CLOCK: variants seen among roughly 807,000 people sequenced by gnomAD.
The protein encoded by CLOCK is circadian locomoter output cycles protein kaput.
In CLOCK, 43 loss-of-function variants were observed where a neutral mutation model predicts 118.4. That is an observed-to-expected ratio of 0.36 (90% confidence interval 0.28 to 0.47). The LOEUF is 0.47. CLOCK is among the 20% of genes least tolerant of loss of function. CLOCK has a pLI of 1.00. For missense variants in CLOCK, 846 were observed against 999.9 expected (o/e 0.85, Z 2.08); for synonymous variants, 326 against 339.2 (o/e 0.96, Z 0.43).
At chr4:55,478,677 A>G (rs1460807670) in intron 6 of CLOCK, 138 bp downstream of exon 6, 5 of 806,222 alleles carry the variant, frequency 6.2e-6, no homozygotes, top group East Asian at 2.5e-5. Flanking sequence ...AAGAATGAAC[A>G]TATTAGGAAA....
rs186425944 is a variant in CLOCK, at chr4:55,516,547, T to C, written c.-289-6482A>G. On this transcript the variant is annotated intron_variant, in intron 1 of 22. Transcript: ENST00000513440. ...CTTTCTTTCGGTTAGTGTTAGCATA[T>C]TGTATTTTTCTCCATCCATTTTCTT... Among the ~76,000 whole-genome samples the C allele has an allele frequency of 2.5e-4, 38 of 152,328 alleles. 1 individual carries two copies. The highest frequency in any genetic ancestry group is 1.2e-3 in the Admixed American group (19 of 15,310).
At chr4:55,544,387 T>A (rs1335483120) in intron 1 of CLOCK, among the ~76,000 whole-genome samples, 1 of 151,948 alleles carries the variant, frequency 6.6e-6, no homozygotes. Context: ...CTATGACTCC[T>A]GAAAAAAAGA....
intron 1 of CLOCK, among the ~76,000 whole-genome samples, chr4:55,544,467 T>C (rs1281884577): frequency 1.3e-5 from 2 of 152,200 alleles, no homozygotes; most frequent in African/African-American, 2.4e-5. Flanking sequence ...TAAACAGTCA[T>C]ATATTTTAGC....
intron 1 of CLOCK, among the ~76,000 whole-genome samples, chr4:55,537,114 A>C (rs1730953339): frequency 6.6e-6 from 1 of 152,198 alleles, no homozygotes; most frequent in African/African-American, 2.4e-5. Flanking sequence ...ACTTATAAAT[A>C]AACTATAGAC....
At position 55,429,604 on chromosome 4, in the gene CLOCK, G is replaced by C. The variant is rs565528600; in HGVS notation, c.*5811C>G. ...AGAACTTTAAATGGATTTTAATATG[G>C]ATATGATAATGACAGCCATTAAAAG... On this transcript the variant is annotated 3_prime_UTR_variant, in exon 23 of 23. Coordinates refer to ENST00000513440, the MANE Select transcript of CLOCK (RefSeq NM_004898.4). 3.3e-5 allele frequency: 5 copies of C among 152,226 alleles called. No individual in the cohort carries two copies. The highest frequency in any genetic ancestry group is 1.2e-4 in the African/African-American group (5 of 41,534). The allele number at this position is 152,226 out of a possible 1,614,324, so 9.4% of individuals were successfully genotyped here.
At chr4:55,524,557 G>A (rs1458271288) in intron 1 of CLOCK, among the ~76,000 whole-genome samples, 2 of 152,184 alleles carry the variant, frequency 1.3e-5, no homozygotes, top group Middle Eastern at 3.4e-3. Flanking sequence ...CCTATTATAT[G>A]AATAAGTGCA....
At chr4:55,544,165 GACACACACACACACACACACAC>G (rs35842826) in intron 1 of CLOCK, among the ~76,000 whole-genome samples, 1 of 148,096 alleles carries the variant, frequency 6.8e-6, no homozygotes, top group South Asian at 2.2e-4. Flanking sequence ...GAAACAACCA[GACACACACACACACACACACAC>G]ACACACACAC....
rs572532650 is a variant in CLOCK at position 55,442,733 on chromosome 4, G to C, written c.1903-99C>G. On this transcript the variant is annotated intron_variant, in intron 20 of 22. Coordinates refer to ENST00000513440, the MANE Select transcript of CLOCK (RefSeq NM_004898.4). ...ATTCTAACAATATGACAATATGACA[G>C]AGAAAGAAGTGGCAGGATATATTAC... 7.2e-5 allele frequency: 77 copies of C among 1,068,002 alleles called. No individual in the cohort carries two copies. The African/African-American group carries it at 1.1e-3, about 15-fold the overall frequency. The allele number at this position is 1,068,002 out of a possible 1,614,324, so 66.2% of individuals were successfully genotyped here.
At chr4:55,528,033 CAA>C (rs11361087) in intron 1 of CLOCK, among the ~76,000 whole-genome samples, 57 of 138,254 alleles carry the variant, frequency 4.1e-4, no homozygotes, top group Admixed American at 6.5e-4. Flanking sequence ...CCCTGTCTCT[CAA>C]AAAAAAAAAA....
In CLOCK at chr4:55,443,692, T is replaced by C; in HGVS notation, c.1897A>G (p.Thr633Ala). 6.2e-7 allele frequency: 1 copy of C among 1,613,472 alleles called. No individual in the cohort carries two copies. Among genetic ancestry groups the C allele is most frequent in the Non-Finnish European group, 8.5e-7 (1 of 1,179,412 alleles). The change falls in exon 20 of 23, where the codon ACT becomes GCT. Residue 633 changes from threonine to alanine, a missense_variant. Thr to Ala is a moderately conservative substitution (Grantham distance 58). Coordinates refer to ENST00000513440, the MANE Select transcript of CLOCK (RefSeq NM_004898.4). ...IQQQTLQSTSTQSQQNVLSGH... is the reference protein window; with the variant it reads ...IQQQTLQSTSAQSQQNVLSGH... ...GCTGTGCTCAGTAACATTACCTGAGTTGATGTACTCTGTAAAGTCTGTTGT... is the reference window on the plus strand; with the variant it reads ...GCTGTGCTCAGTAACATTACCTGAGCTGATGTACTCTGTAAAGTCTGTTGT...
intron 1 of CLOCK, among the ~76,000 whole-genome samples, chr4:55,538,214 T>C (rs1731031469): frequency 6.6e-6 from 1 of 152,192 alleles, no homozygotes; most frequent in South Asian, 2.1e-4. Context: ...TTAAATGAAA[T>C]GGGTAAGTTC....
Position 55,438,554 on chromosome 4 carries a change from G to C in CLOCK, c.2106-17C>G, listed in dbSNP as rs1172937295. On this transcript the variant is annotated splice_polypyrimidine_tract_variant and intron_variant, in intron 21 of 22. Coordinates refer to ENST00000513440, the MANE Select transcript of CLOCK (RefSeq NM_004898.4). ...TGAGAAAATCTGTTAGAAGAAAGAA[G>C]GAAAAAAATTGGAGTCCAAAGTACA... 2 of 1,612,346 alleles carry C rather than the reference G, an allele frequency of 1.2e-6. No individual in the cohort carries two copies. The highest frequency in any genetic ancestry group is 2.7e-5 in the African/African-American group (2 of 74,834).
rs372080302 is a variant in CLOCK at position 55,456,390 on chromosome 4, C to A, written c.793-90G>T. On this transcript the variant is annotated intron_variant, in intron 11 of 22. Coordinates refer to ENST00000513440, the MANE Select transcript of CLOCK (RefSeq NM_004898.4). The stretch of plus-strand genomic sequence containing the variant: ...TATAAAAATAAGTCATGGCCAGGTG[C>A]AGTGGCTCACACCTGTAATCCCAGC... 1.5e-4 allele frequency: 129 copies of A among 838,762 alleles called. 1 individual carries two copies. The East Asian group carries it at 3.0e-3, about 19-fold the overall frequency. 52.0% of individuals were successfully genotyped at this position (838,762 alleles called of 1,614,324 possible).
chr4:55,525,610 A>T (rs934895378), intron 1 of CLOCK, among the ~76,000 whole-genome samples: 2 of 152,132 alleles, frequency 1.3e-5, no homozygotes, highest in Non-Finnish European at 2.9e-5. Flanking sequence ...AGCTGATTAC[A>T]GGTGTCCACC....
In CLOCK at chr4:55,438,314, G is replaced by A. The variant is rs1723059266; in HGVS notation, c.2329C>T (p.Gln777Ter). 3 of 1,614,146 alleles carry A rather than the reference G, an allele frequency of 1.9e-6. No homozygotes were observed. The highest frequency in any genetic ancestry group is 2.5e-6 in the Non-Finnish European group (3 of 1,180,014). The change falls in exon 22 of 23, where the codon CAG (glutamine) becomes TAG (stop). Residue 777 changes from glutamine (Q) to a stop codon, truncating the protein, a stop_gained. Transcript: ENST00000513440. LOFTEE classifies it high-confidence loss of function. ...LTSVQQPSQAQLTQPPQQFLQ... is the reference protein window; with the variant it reads ...LTSVQQPSQA ...AATTGTTGCGGTGGCTGGGTCAGCT[G>A]AGCCTGAGATGGTTGCTGAACTGAA...
chr4:55,453,511 T>C, intron 14 of CLOCK, 166 bp downstream of exon 14: 1 of 556,986 alleles, frequency 1.8e-6, no homozygotes, highest in Non-Finnish European at 3.1e-6. Context: ...TTCCTATATT[T>C]ATATATAATG....
intron 2 of CLOCK, among the ~76,000 whole-genome samples, chr4:55,491,250 A>G (rs2109949873): frequency 6.7e-6 from 1 of 150,070 alleles, no homozygotes; most frequent in East Asian, 1.9e-4. Context: ...AAAAAAAAAA[A>G]AAAAAAAAGG....
chr4:55,483,478 A>G (rs1727074291), intron 3 of CLOCK, among the ~76,000 whole-genome samples: 1 of 152,198 alleles, frequency 6.6e-6, no homozygotes, highest in Non-Finnish European at 1.5e-5. Context: ...CCATCCTCTG[A>G]GAGCTTGTTT....
intron 4 of CLOCK, 28 bp downstream of exon 4, chr4:55,482,710 TA>T: frequency 6.8e-7 from 1 of 1,478,460 alleles, no homozygotes; most frequent in Non-Finnish European, 9.3e-7. Flanking sequence ...TAATTATATA[TA>T]ACTTAAAATA....
Sources: allele counts gnomAD v4.1 joint callset (sites outside exome capture counted in the v4.1 genomes callset), GRCh38; gene constraint gnomAD v4.1.1; transcripts MANE v1.5; gene names NCBI Gene and HGNC (gene_info 2026-07-23, HGNC 2026-07-21).